Variants in SLC71A2 observed in about 807,000 individuals in gnomAD.
SLC71A2 encodes the protein hippocampus abundant transcript-like 1.
the SLC71A2 span, among the ~76,000 whole-genome samples, chr9:94,406,333 G>A: frequency 8.5e-5 from 13 of 152,206 alleles, no homozygotes; most frequent in East Asian, 2.3e-3. Context: ...CCCGCCTCCC[G>A]GGTTCAAGCG....
At chr9:94,459,311 G>A in the SLC71A2 span, 3 of 1,614,166 alleles carry the variant, frequency 1.9e-6, no homozygotes, top group African/African-American at 1.3e-5. Flanking sequence ...CAACACCCCA[G>A]AACGGGGCAG....
the SLC71A2 span, among the ~76,000 whole-genome samples, chr9:94,446,282 G>T: frequency 1.3e-5 from 2 of 152,222 alleles, no homozygotes; most frequent in Non-Finnish European, 2.9e-5. Flanking sequence ...TCCAATGTAT[G>T]TAAGAAGGAT....
At chr9:94,454,252 A>G in the SLC71A2 span, among the ~76,000 whole-genome samples, 1 of 152,230 alleles carries the variant, frequency 6.6e-6, no homozygotes, top group African/African-American at 2.4e-5. Flanking sequence ...GATTATTTAT[A>G]AAGACTACCT....
the SLC71A2 span, among the ~76,000 whole-genome samples, chr9:94,388,024 TTAAG>T: frequency 2.6e-5 from 4 of 152,224 alleles, no homozygotes; most frequent in African/African-American, 9.7e-5. Flanking sequence ...TTTGAAGTAC[TTAAG>T]TAATTAATGA....
At chr9:94,391,060 T>G in the SLC71A2 span, among the ~76,000 whole-genome samples, 79 of 151,982 alleles carry the variant, frequency 5.2e-4, no homozygotes, top group African/African-American at 1.8e-3. Context: ...GAAAAGAGCT[T>G]CTGGACCAGG....
chr9:94,436,055 T>C, the SLC71A2 span, among the ~76,000 whole-genome samples: 1 of 152,208 alleles, frequency 6.6e-6, no homozygotes, highest in African/African-American at 2.4e-5. Context: ...TCTTATACTC[T>C]AATTCATCTC....
the SLC71A2 span, among the ~76,000 whole-genome samples, chr9:94,386,766 G>C: frequency 6.6e-6 from 1 of 152,086 alleles, no homozygotes; most frequent in South Asian, 2.1e-4. Context: ...TTTCTTTCCT[G>C]ATTTTCAGGG....
chr9:94,430,158 C>A, the SLC71A2 span, among the ~76,000 whole-genome samples: 1 of 150,970 alleles, frequency 6.6e-6, no homozygotes, highest in African/African-American at 2.4e-5. Flanking sequence ...CTGCCTTGGC[C>A]TCCCAAAGTG....
the SLC71A2 span, among the ~76,000 whole-genome samples, chr9:94,453,472 C>G: frequency 3.0e-4 from 46 of 152,196 alleles, no homozygotes; most frequent in African/African-American, 1.1e-3. Context: ...TCATCCAACC[C>G]CTTTTTAGAC....
the SLC71A2 span, among the ~76,000 whole-genome samples, chr9:94,386,388 T>C: frequency 6.6e-6 from 1 of 151,476 alleles, no homozygotes; most frequent in Non-Finnish European, 1.5e-5. Flanking sequence ...CCTGATTTTG[T>C]ACTCAGCACT....
At chr9:94,460,162 AAAC>A in the SLC71A2 span, 1 of 152,458 alleles carries the variant, frequency 6.6e-6, no homozygotes, top group Non-Finnish European at 1.5e-5. Flanking sequence ...CAGAAGAAAA[AAAC>A]AACTCAAGCA....
chr9:94,438,427 A>T, the SLC71A2 span: 2 of 1,614,010 alleles, frequency 1.2e-6, no homozygotes. Context: ...TGAGTGCCCC[A>T]CTCATTGGTG....
At chr9:94,379,932 C>T in the SLC71A2 span, among the ~76,000 whole-genome samples, 2 of 152,112 alleles carry the variant, frequency 1.3e-5, no homozygotes, top group African/African-American at 2.4e-5. Flanking sequence ...TGGCTGTATA[C>T]ACGTAAACAT....
At chr9:94,374,601 G>GA in the SLC71A2 span, 1 of 153,158 alleles carries the variant, frequency 6.5e-6, no homozygotes, top group Non-Finnish European at 1.5e-5. Context: ...GGTGCGGTTT[G>GA]ATAAGTGGTC....
At chr9:94,427,375 A>G in the SLC71A2 span, among the ~76,000 whole-genome samples, 1 of 152,008 alleles carries the variant, frequency 6.6e-6, no homozygotes, top group African/African-American at 2.4e-5. Context: ...TGGTAGCTTG[A>G]TTGCTCAGAA....
chr9:94,430,257 C>G, the SLC71A2 span, among the ~76,000 whole-genome samples: 2 of 144,534 alleles, frequency 1.4e-5, no homozygotes, highest in Admixed American at 7.0e-5. Context: ...GAGTCTCGCT[C>G]TGTTGCCCAG....
the SLC71A2 span, among the ~76,000 whole-genome samples, chr9:94,445,409 T>A: frequency 6.6e-6 from 1 of 152,198 alleles, no homozygotes; most frequent in Admixed American, 6.5e-5. Flanking sequence ...AATGTCTAGT[T>A]AATTCTTGGT....
the SLC71A2 span, among the ~76,000 whole-genome samples, chr9:94,431,870 G>A: frequency 6.6e-6 from 1 of 152,108 alleles, no homozygotes; most frequent in Non-Finnish European, 1.5e-5. Context: ...TGTTTGGCCC[G>A]TGGCTCTACC....
the SLC71A2 span, among the ~76,000 whole-genome samples, chr9:94,381,681 A>G: frequency 2.0e-5 from 3 of 152,170 alleles, no homozygotes; most frequent in Non-Finnish European, 4.4e-5. Flanking sequence ...ACTTTTTAAG[A>G]AACTGTTGGC....
Sources: allele counts gnomAD v4.1 joint callset (sites outside exome capture counted in the v4.1 genomes callset), GRCh38; gene constraint gnomAD v4.1.1; transcripts MANE v1.5; gene names NCBI Gene and HGNC (gene_info 2026-07-23, HGNC 2026-07-21).